LSAMP: variants seen among roughly 807,000 people sequenced by gnomAD.
LSAMP encodes limbic system-associated membrane protein.
In LSAMP, 7 loss-of-function variants were observed where a neutral mutation model predicts 38.6. The observed-to-expected ratio is 0.18, with a 90% CI of 0.10 to 0.34. The LOEUF (loss-of-function observed/expected upper bound fraction) is 0.34, where lower values mean the gene tolerates loss of function less well. Ranked by LOEUF, LSAMP falls within the 10% of genes least tolerant of loss-of-function variation. LSAMP has a pLI of 1.00. For synonymous variants in LSAMP, 154 were observed against 166.8 expected, an observed-to-expected ratio of 0.92 and a Z score of 0.59; for missense variants, 313 against 420.0, an observed-to-expected ratio of 0.75 and a Z score of 2.23.
At chr3:115,901,177 G>T (rs1317492035) in intron 3 of LSAMP, among the ~76,000 whole-genome samples, 1 of 151,888 alleles carries the variant, frequency 6.6e-6, no homozygotes, top group Admixed American at 6.6e-5. Flanking sequence ...GAATCATTTG[G>T]GGTCTGAGAG....
intron 3 of LSAMP, among the ~76,000 whole-genome samples, chr3:116,007,051 C>T (rs1362576856): frequency 1.3e-5 from 2 of 152,042 alleles, no homozygotes; most frequent in South Asian, 2.1e-4. Flanking sequence ...ACTAGAATAC[C>T]TTAAAGAATT....
chr3:115,895,904 A>G (rs1463529923), intron 3 of LSAMP, among the ~76,000 whole-genome samples: 1 of 150,002 alleles, frequency 6.7e-6, no homozygotes, highest in African/African-American at 2.5e-5. Flanking sequence ...TATTCTTGCC[A>G]TTTCAAAAAG....
At chr3:115,852,811 C>G (rs1935375809) in intron 3 of LSAMP, among the ~76,000 whole-genome samples, 194 bp from the exon 4 acceptor site, 1 of 152,114 alleles carries the variant, frequency 6.6e-6, no homozygotes, top group Non-Finnish European at 1.5e-5. Flanking sequence ...AGAAAATACT[C>G]TCAGGAAAAA....
intron 1 of LSAMP, among the ~76,000 whole-genome samples, chr3:116,337,365 A>T (rs1391853828): frequency 6.6e-6 from 1 of 152,040 alleles, no homozygotes; most frequent in African/African-American, 2.4e-5. Context: ...AAAATAATAC[A>T]TAATTTGATA....
chr3:116,089,444 G>T (rs1398960309), intron 1 of LSAMP, among the ~76,000 whole-genome samples: 1 of 152,118 alleles, frequency 6.6e-6, no homozygotes, highest in Non-Finnish European at 1.5e-5. Flanking sequence ...TGCAAGCTCT[G>T]CCTCCCAGGT....
At chr3:116,012,921 A>G (rs2107678247) in intron 3 of LSAMP, among the ~76,000 whole-genome samples, 1 of 152,346 alleles carries the variant, frequency 6.6e-6, no homozygotes, top group Non-Finnish European at 1.5e-5. Flanking sequence ...TATTTTAAAC[A>G]TAGACTACTT....
intron 2 of LSAMP, among the ~76,000 whole-genome samples, chr3:116,071,053 TAATAAATAAATA>T (rs369537377): frequency 4.2e-4 from 59 of 138,862 alleles, no homozygotes; most frequent in Admixed American, 9.3e-4. Flanking sequence ...AATAAATAAA[TAATAAATAAATA>T]AATAAATAAA....
At chr3:116,198,667 A>C (rs1394980463) in intron 1 of LSAMP, among the ~76,000 whole-genome samples, 1 of 151,356 alleles carries the variant, frequency 6.6e-6, no homozygotes, top group Non-Finnish European at 1.5e-5. Flanking sequence ...GCTACTCTGG[A>C]GGCTGAGGCA....
chr3:116,415,991 A>G (rs2049044839), intron 1 of LSAMP, among the ~76,000 whole-genome samples: 1 of 152,192 alleles, frequency 6.6e-6, no homozygotes, highest in African/African-American at 2.4e-5. Flanking sequence ...GATGACATTC[A>G]CAAAGGCTTC....
chr3:116,256,441 G>A (rs1054316824), intron 1 of LSAMP, among the ~76,000 whole-genome samples: 9 of 152,166 alleles, frequency 5.9e-5, no homozygotes, highest in African/African-American at 2.2e-4. Flanking sequence ...GACCTTGCAA[G>A]TGTTTTTCAT....
Position 115,807,549 on chromosome 3 carries a change from G to A in LSAMP, c.*2768C>T, listed in dbSNP as rs1004290383. ...TAAAGTGGAGACAATAAGAAAGCCA[G>A]GTATATAATTAAGGCCTGTGACATG... On this transcript the variant is annotated 3_prime_UTR_variant, in exon 7 of 7. Transcript: ENST00000490035. The A allele has an allele frequency of 6.6e-6, 1 of 152,150 alleles. No individual in the cohort carries two copies. Among genetic ancestry groups the A allele is most frequent in the Non-Finnish European group, 1.5e-5 (1 of 68,026 alleles). The allele number at this position is 152,150 out of a possible 1,614,324, so 9.4% of individuals were successfully genotyped here.
chr3:116,107,317 T>G (rs1295616945), intron 1 of LSAMP, among the ~76,000 whole-genome samples: 1 of 152,072 alleles, frequency 6.6e-6, no homozygotes, highest in Non-Finnish European at 1.5e-5. Context: ...AAAATAGATT[T>G]TGGAAGTTAT....
chr3:116,075,425 A>T lies in LSAMP; in HGVS notation c.388+10899T>A, dbSNP rs148669494. ...TGCTGGGATTACAGGCGTGAGCCAC[A>T]GCACCTGGCCTTTTTTCATTTCTTA... On this transcript the variant is annotated intron_variant, in intron 2 of 6. Transcript: ENST00000490035. Among the ~76,000 whole-genome samples, 784 of 151,752 alleles carry T rather than the reference A, an allele frequency of 5.2e-3. 2 individuals carry two copies. Among genetic ancestry groups the T allele is most frequent in the African/African-American group, 0.018 (746 of 41,448 alleles).
At chr3:115,844,750 G>T (rs375995949) in intron 4 of LSAMP, among the ~76,000 whole-genome samples, 27 of 152,306 alleles carry the variant, frequency 1.8e-4, no homozygotes, top group Middle Eastern at 3.4e-3. Context: ...GCCCAAGTGG[G>T]TGGATCACTT....
At chr3:115,861,940 T>A (rs1026671821) in intron 3 of LSAMP, among the ~76,000 whole-genome samples, 7 of 152,220 alleles carry the variant, frequency 4.6e-5, no homozygotes, top group African/African-American at 1.7e-4. Context: ...TCCTACTTCA[T>A]TTTTATGACC....
chr3:115,899,332 A>C (rs143631176), intron 3 of LSAMP, among the ~76,000 whole-genome samples: 1 of 152,088 alleles, frequency 6.6e-6, no homozygotes, highest in East Asian at 1.9e-4. Context: ...TTCAGAGGGC[A>C]CTGCCTTCCT....
At chr3:116,162,575 C>A (rs939002067) in intron 1 of LSAMP, among the ~76,000 whole-genome samples, 1 of 151,834 alleles carries the variant, frequency 6.6e-6, no homozygotes, top group African/African-American at 2.4e-5. Context: ...TCTGTCTATA[C>A]AGGTGTGTGT....
chr3:116,220,673 G>A (rs999976298), intron 1 of LSAMP, among the ~76,000 whole-genome samples: 1 of 152,120 alleles, frequency 6.6e-6, no homozygotes, highest in African/African-American at 2.4e-5. Context: ...ACATTTAAGA[G>A]TTTTAGGATC....
intron 1 of LSAMP, among the ~76,000 whole-genome samples, chr3:116,169,196 C>A (rs1710135214): frequency 6.6e-6 from 1 of 152,076 alleles, no homozygotes; most frequent in African/African-American, 2.4e-5. Flanking sequence ...AGATTGAGAC[C>A]CTGTCTCTCA....
Sources: allele counts gnomAD v4.1 joint callset (sites outside exome capture counted in the v4.1 genomes callset), GRCh38; gene constraint gnomAD v4.1.1; transcripts MANE v1.5; gene names NCBI Gene and HGNC (gene_info 2026-07-23, HGNC 2026-07-21).